The following DENND4C variants were observed in gnomAD, a reference collection of about 807,000 sequenced individuals.
DENND4C encodes DENN domain containing 4C.
DENND4C carries 108 observed loss-of-function variants against 203.0 expected under a neutral mutation model. The ratio of observed to expected loss-of-function variants is 0.53; its 90% CI spans 0.46 to 0.62. The LOEUF (loss-of-function observed/expected upper bound fraction) is 0.62. Among genes scored for constraint, DENND4C ranks in the 20% least tolerant of loss-of-function variants. The pLI, the probability that DENND4C is intolerant of heterozygous loss-of-function variation, is 0.00. For missense variants in DENND4C, 2,481 were observed against 2,301.2 expected (o/e 1.08, Z -1.60); for synonymous variants, 871 against 792.4 (o/e 1.10, Z -1.67).
At chr9:19,361,484 T>C (rs1826488709) in intron 29 of DENND4C, among the ~76,000 whole-genome samples, 1 of 152,162 alleles carries the variant, frequency 6.6e-6, no homozygotes, top group Non-Finnish European at 1.5e-5. Context: ...AATAAAATCT[T>C]TCCTTAAAGT....
intron 30 of DENND4C, among the ~76,000 whole-genome samples, chr9:19,362,538 TA>T (rs11320093): frequency 0.28 from 41,463 of 150,036 alleles, 5,833 homozygotes; most frequent in Middle Eastern, 0.36. Flanking sequence ...GATTTGCTGT[TA>T]AAAAAAAAAG....
intron 24 of DENND4C, among the ~76,000 whole-genome samples, chr9:19,351,192 C>T (rs181826509): frequency 6.6e-6 from 1 of 152,302 alleles, no homozygotes; most frequent in Admixed American, 6.5e-5. Flanking sequence ...TTTATAACTA[C>T]TGTGGTCACC....
At position 19,281,044 on chromosome 9, in the gene DENND4C, C is replaced by T. The variant is rs919937954; in HGVS notation, c.305+4565C>T. Among the ~76,000 whole-genome samples, 33 of 152,244 alleles carry T rather than the reference C, an allele frequency of 2.2e-4. 1 individual carries two copies. The highest frequency in any genetic ancestry group is 7.9e-4 in the Admixed American group (12 of 15,276). The stretch of plus-strand genomic sequence containing the variant: ...GAGTGAGCCACTGTGCCGGGCCAGT[C>T]GTCTTTTAGAGTCCATCTTTTGACA... On this transcript the variant is annotated intron_variant, in intron 2 of 32. Transcript: ENST00000434457.
intron 1 of DENND4C, among the ~76,000 whole-genome samples, chr9:19,235,296 G>T (rs1342884246): frequency 6.6e-6 from 1 of 152,100 alleles, no homozygotes; most frequent in Non-Finnish European, 1.5e-5. Context: ...TACTTTCTTT[G>T]CAGTGGATCA....
At position 19,357,967 on chromosome 9, in the gene DENND4C, A is replaced by T. The variant is rs753280738; in HGVS notation, c.4967A>T (p.Asp1656Val). 3 of 1,598,072 alleles carry T rather than the reference A, an allele frequency of 1.9e-6. No homozygotes were observed. Among genetic ancestry groups the T allele is most frequent in the Admixed American group, 3.4e-5 (2 of 58,322 alleles). Residue 1656 changes from aspartate to valine, a missense_variant and splice_region_variant, in exon 28 of 33, where the codon GAT (aspartate) becomes GTT (valine). Asp to Val is a radical substitution (Grantham distance 152, BLOSUM62 -3). Around this residue, in one of 3 missense-constraint regions of DENND4C, gnomAD observed 2,289 missense variants for 2,113.3 expected, o/e 1.08. Transcript: ENST00000434457. ...EETGSAVEPS[D>V]EIKRASGDVQ... The stretch of plus-strand genomic sequence containing the variant: ...TTTCTTCTATATTTATTTTTAAGTG[A>T]TGAAATAAAGAGAGCCAGTGGAGAT...
chr9:19,254,267 T>A (rs539585023), intron 1 of DENND4C, among the ~76,000 whole-genome samples: 12 of 152,174 alleles, frequency 7.9e-5, no homozygotes, highest in South Asian at 4.1e-4. Context: ...ATCAGTAGAT[T>A]GAAGAGATAT....
chr9:19,306,717 AAAAT>A (rs1300676997), intron 10 of DENND4C, among the ~76,000 whole-genome samples: 10 of 151,754 alleles, frequency 6.6e-5, no homozygotes, highest in African/African-American at 2.4e-4. Flanking sequence ...ATTATTTTCT[AAAAT>A]AAATGTGAAG....
chr9:19,312,956 C>G (rs1222284039), intron 10 of DENND4C, among the ~76,000 whole-genome samples: 2 of 152,120 alleles, frequency 1.3e-5, no homozygotes, highest in African/African-American at 2.4e-5. Context: ...AAAATCCAAT[C>G]TAACATTTGT....
intron 1 of DENND4C, among the ~76,000 whole-genome samples, chr9:19,239,239 A>G (rs1041452551): frequency 6.6e-6 from 1 of 152,126 alleles, no homozygotes; most frequent in African/African-American, 2.4e-5. Flanking sequence ...GCTTAAAGCT[A>G]TGAATTTCCT....
At position 19,316,859 on chromosome 9, in the gene DENND4C, CA is replaced by C; in HGVS notation, c.1807+22del. ...GACAGGGTGAGTAGCATTGAAAGTA[CA>C]ATTCCTTTTATTGAGGTGAAAAATA... On this transcript the variant is annotated intron_variant, in intron 12 of 32. Coordinates refer to ENST00000434457, the MANE Select transcript of DENND4C (RefSeq NM_001330640.2). The C allele has an allele frequency of 2.5e-6, 4 of 1,577,170 alleles. No homozygotes were observed. Among genetic ancestry groups the C allele is most frequent in the Non-Finnish European group, 3.4e-6 (4 of 1,161,240 alleles).
rs188029337 is a variant in DENND4C at position 19,351,595 on chromosome 9, T to C, written c.4496-478T>C. 5.5e-3 allele frequency among the ~76,000 whole-genome samples: 840 copies of C among 152,098 alleles called. 4 individuals are homozygous for C. The highest frequency in any genetic ancestry group is 0.01 in the Middle Eastern group (3 of 294). ...GGCAAGGCGGGTGGATTGCCTGAGC[T>C]CAGGAGTTCAAGACCAGCCTGGGCA... On this transcript the variant is annotated intron_variant, in intron 24 of 32. Transcript: ENST00000434457.
At chr9:19,356,033 T>C (rs943590238) in intron 26 of DENND4C, among the ~76,000 whole-genome samples, 3 of 152,134 alleles carry the variant, frequency 2.0e-5, no homozygotes, top group African/African-American at 7.2e-5. Context: ...CATTATTAAG[T>C]CTGTCCCCTG....
rs749490666 is a variant in DENND4C, at chr9:19,372,946, A to G, written c.*773A>G. 31 of 151,862 alleles carry G rather than the reference A, an allele frequency of 2.0e-4. No homozygotes were observed. The highest frequency in any genetic ancestry group is 7.5e-4 in the African/African-American group (31 of 41,316). The allele number at this position is 151,862 out of a possible 1,614,324, so 9.4% of individuals were successfully genotyped here. A position where few individuals can be genotyped will look rare whatever the true frequency, so the allele number is the denominator to read the frequency against. The stretch of plus-strand genomic sequence containing the variant: ...TGTGTAGGTATGTGTATATACAGCC[A>G]TATTCTAAGTGTATATTTATTAAAA... On this transcript the variant is annotated 3_prime_UTR_variant, in exon 33 of 33. Transcript: ENST00000434457.
At chr9:19,288,994 C>T (rs772887629) in intron 4 of DENND4C, among the ~76,000 whole-genome samples, 1 of 152,162 alleles carries the variant, frequency 6.6e-6, no homozygotes, top group African/African-American at 2.4e-5. Context: ...TATATTTTGG[C>T]AATCAGAAAG....
intron 10 of DENND4C, among the ~76,000 whole-genome samples, chr9:19,312,152 G>A (rs1840859943): frequency 6.6e-6 from 1 of 152,136 alleles, no homozygotes; most frequent in Non-Finnish European, 1.5e-5. Flanking sequence ...CGCCCAGGCT[G>A]GAGTGTAGTG....
intron 2 of DENND4C, among the ~76,000 whole-genome samples, chr9:19,284,727 GC>G (rs1030907501): frequency 6.6e-5 from 10 of 151,750 alleles, no homozygotes; most frequent in African/African-American, 2.4e-4. Flanking sequence ...TTATTCTTTT[GC>G]TTATACTATA....
intron 24 of DENND4C, among the ~76,000 whole-genome samples, chr9:19,351,634 G>A (rs1336715300): frequency 6.6e-5 from 10 of 151,640 alleles, no homozygotes; most frequent in Non-Finnish European, 1.3e-4. Context: ...CAGTGAAACC[G>A]TCTCTACTAA....
chr9:19,270,309 TTG>T lies in DENND4C; in HGVS notation c.-17-5846_-17-5845del, dbSNP rs543981974. On this transcript the variant is annotated intron_variant, in intron 1 of 32. Coordinates refer to ENST00000434457, the MANE Select transcript of DENND4C (RefSeq NM_001330640.2). ...GCCCAAGGGCTCTTTATTCAGCGGG[TTG>T]TGAATCTAGCCAGGCTTGTGTTTTT... Among the ~76,000 whole-genome samples, 15 of 152,206 alleles carry T rather than the reference TTG, an allele frequency of 9.9e-5. No individual in the cohort carries two copies. In the South Asian group the frequency reaches 3.1e-3, roughly 32 times the overall value.
chr9:19,318,313 C>A (rs1291314614), intron 12 of DENND4C, among the ~76,000 whole-genome samples: 2 of 151,638 alleles, frequency 1.3e-5, no homozygotes, highest in Non-Finnish European at 1.5e-5. Flanking sequence ...GAGTGAAACT[C>A]CATCTCAAAA....
Sources: allele counts gnomAD v4.1 joint callset (sites outside exome capture counted in the v4.1 genomes callset), GRCh38; gene constraint gnomAD v4.1.1; regional missense constraint gnomAD v4.1.1; transcripts MANE v1.5; gene names NCBI Gene and HGNC (gene_info 2026-07-23, HGNC 2026-07-21).